TPD52L1: variants seen among roughly 807,000 people sequenced by gnomAD.
TPD52L1 encodes TPD52 like 1.
In TPD52L1, 18 loss-of-function variants were observed where a neutral mutation model predicts 28.7. The observed-to-expected ratio is 0.63, with a 90% confidence interval of 0.43 to 0.93. TPD52L1 has a LOEUF of 0.93. Ranked by LOEUF, TPD52L1 falls within the 40% of genes least tolerant of loss-of-function variation. The pLI is 0.00. For missense variants in TPD52L1, 203 were observed against 254.8 expected, an observed-to-expected ratio of 0.80 and a Z score of 1.39; for synonymous variants, 75 against 88.8, an observed-to-expected ratio of 0.84 and a Z score of 0.88.
At chr6:125,229,085 A>G in intron 2 of TPD52L1, 33 bp from the exon 3 acceptor site, 7 of 1,601,816 alleles carry the variant, frequency 4.4e-6, no homozygotes, top group Non-Finnish European at 6.0e-6. Flanking sequence ...CTGGTCTGAC[A>G]TTTTCCCCCA....
At chr6:125,196,805 A>G (rs1254232581) in intron 1 of TPD52L1, among the ~76,000 whole-genome samples, 1 of 152,166 alleles carries the variant, frequency 6.6e-6, no homozygotes, top group Non-Finnish European at 1.5e-5. Flanking sequence ...TTATTTATAC[A>G]TGAGGTATGG....
intron 1 of TPD52L1, among the ~76,000 whole-genome samples, chr6:125,199,319 G>A (rs956149795): frequency 1.3e-5 from 2 of 152,148 alleles, no homozygotes; most frequent in Non-Finnish European, 2.9e-5. Flanking sequence ...ATTGATATTT[G>A]CATATCATGT....
chr6:125,228,043 G>A (rs1795719108), intron 2 of TPD52L1, among the ~76,000 whole-genome samples: 1 of 152,146 alleles, frequency 6.6e-6, no homozygotes, highest in Admixed American at 6.5e-5. Flanking sequence ...AAAAGGGGAA[G>A]AACCATTGAT....
chr6:125,258,073 G>A (rs145492254), intron 6 of TPD52L1, among the ~76,000 whole-genome samples: 13 of 152,268 alleles, frequency 8.5e-5, no homozygotes, highest in Non-Finnish European at 1.6e-4. Context: ...CACGTGTGCT[G>A]CCTGATAAGT....
At chr6:125,221,782 A>C (rs1354322042) in intron 2 of TPD52L1, 1 of 152,172 alleles carries the variant, frequency 6.6e-6, no homozygotes, top group Non-Finnish European at 1.5e-5. Context: ...TTTCACTCCT[A>C]AGAGTTTTTG....
chr6:125,236,413 C>G (rs989008338), intron 3 of TPD52L1, among the ~76,000 whole-genome samples: 4 of 152,108 alleles, frequency 2.6e-5, no homozygotes, highest in African/African-American at 9.7e-5. Context: ...TAGCTATCAC[C>G]TATTTTCAAT....
At chr6:125,242,334 T>C (rs919087380) in intron 3 of TPD52L1, among the ~76,000 whole-genome samples, 3 of 152,074 alleles carry the variant, frequency 2.0e-5, no homozygotes, top group Non-Finnish European at 2.9e-5. Context: ...TTTAAGTCCA[T>C]TGTTTCATTG....
chr6:125,248,205 G>T (rs1213249570), intron 3 of TPD52L1, 77 bp from the exon 4 acceptor site: 1 of 1,176,434 alleles, frequency 8.5e-7, no homozygotes, highest in African/African-American at 1.5e-5. Flanking sequence ...CATTTTCAAA[G>T]TAAGGAGTGA....
chr6:125,175,010 C>CAT (rs759834174), intron 1 of TPD52L1, among the ~76,000 whole-genome samples: 9 of 152,050 alleles, frequency 5.9e-5, no homozygotes, highest in Non-Finnish European at 8.8e-5. Context: ...TGTTTATTTA[C>CAT]ATATATATGT....
At chr6:125,165,092 A>ATATATATATATATATATATATTTATATT in intron 1 of TPD52L1, among the ~76,000 whole-genome samples, 11 of 104,190 alleles carry the variant, frequency 1.1e-4, no homozygotes, top group African/African-American at 6.1e-4. Flanking sequence ...AAAGATATAT[A>ATATATATATATATATATATATTTATATT]TATATATTTT....
At chr6:125,254,604 C>T (rs1191296257) in intron 5 of TPD52L1, among the ~76,000 whole-genome samples, 1 of 151,950 alleles carries the variant, frequency 6.6e-6, no homozygotes, top group Non-Finnish European at 1.5e-5. Context: ...CCTCTTCTAC[C>T]TGCTTTATAT....
chr6:125,231,828 T>C (rs1795971779), intron 3 of TPD52L1, among the ~76,000 whole-genome samples: 1 of 152,126 alleles, frequency 6.6e-6, no homozygotes, highest in Admixed American at 6.6e-5. Flanking sequence ...GTTGCTTGGG[T>C]TGAAATCTAG....
rs764998879 is a variant in TPD52L1, at chr6:125,173,049, A to G, written c.19+19079A>G. ...CATTGACTCTGGGTTTGCTGTTTTT[A>G]CAAGACCAATTGGTTTATCGATCAA... On this transcript the variant is annotated intron_variant, in intron 1 of 6. Coordinates refer to ENST00000534000, the MANE Select transcript of TPD52L1 (RefSeq NM_003287.4). Among the ~76,000 whole-genome samples the G allele has an allele frequency of 1.0e-3, 156 of 152,266 alleles. 3 individuals are homozygous for G. The highest frequency in any genetic ancestry group is 4.7e-4 in the Non-Finnish European group (32 of 68,026).
chr6:125,229,230 TC>T lies in TPD52L1; in HGVS notation c.249del (p.Phe83LeufsTer21). 1 of 1,613,462 alleles carries T rather than the reference TC, an allele frequency of 6.2e-7. No homozygotes were observed. On this transcript the variant is annotated frameshift_variant, in exon 3 of 7. Coordinates refer to ENST00000534000, the MANE Select transcript of TPD52L1 (RefSeq NM_003287.4). LOFTEE classifies it high-confidence loss of function. ...MNLMNELKQN[F>X]SKSWHDMQTT... is the part of the protein sequence containing the mutation. ...CTGATGAATGAATTAAAACAGAACT[TC>T]AGCAAAAGCTGGCATGACATGCAGA...
chr6:125,186,694 G>A (rs908277927), intron 1 of TPD52L1, among the ~76,000 whole-genome samples: 3 of 152,084 alleles, frequency 2.0e-5, no homozygotes, highest in Admixed American at 1.3e-4. Context: ...TTATCAAAAC[G>A]GTGTGACGTT....
chr6:125,171,056 C>T (rs987205905), intron 1 of TPD52L1, among the ~76,000 whole-genome samples: 4 of 152,154 alleles, frequency 2.6e-5, no homozygotes, highest in African/African-American at 9.7e-5. Context: ...GTAGCTTGAA[C>T]ACACAGGCTA....
chr6:125,180,055 T>C (rs934372871), intron 1 of TPD52L1, among the ~76,000 whole-genome samples: 1 of 152,190 alleles, frequency 6.6e-6, no homozygotes, highest in African/African-American at 2.4e-5. Context: ...TCTGATGCTG[T>C]CCTGACAATG....
chr6:125,203,662 A>G lies in TPD52L1; in HGVS notation c.20-16416A>G, dbSNP rs561567672. ...ACCCTTGGTGTGTGCATAAGGCCACATGACCTCAGGTCAGGAATAAAAGCT... is the reference window on the plus strand; with the variant it reads ...ACCCTTGGTGTGTGCATAAGGCCACGTGACCTCAGGTCAGGAATAAAAGCT... On this transcript the variant is annotated intron_variant, in intron 1 of 6. Transcript: ENST00000534000. 1.0e-5 allele frequency: 10 copies of G among 985,446 alleles called. No individual in the cohort carries two copies. In the African/African-American group the frequency reaches 1.7e-4, roughly 17 times the overall value. The allele number at this position is 985,446 out of a possible 1,614,324, so 61.0% of individuals were successfully genotyped here. A position where few individuals can be genotyped will look rare whatever the true frequency, so the allele number is the denominator to read the frequency against.
chr6:125,257,224 G>C, intron 6 of TPD52L1, 66 bp downstream of exon 6: 1 of 1,450,384 alleles, frequency 6.9e-7, no homozygotes, highest in East Asian at 2.3e-5. Flanking sequence ...CATTGCTGCG[G>C]TTAGTTTAAA....
Sources: gnomAD v4.1 joint callset for allele counts (sites outside exome capture counted in the v4.1 genomes callset) on GRCh38, gnomAD v4.1.1 for gene constraint, MANE v1.5 for transcripts, NCBI Gene and HGNC (gene_info 2026-07-23, HGNC 2026-07-21) for gene names.